The following GRIK2 variants were observed in gnomAD, a reference collection of about 807,000 sequenced individuals.
GRIK2 encodes the protein glutamate receptor ionotropic, kainate 2.
A neutral mutation model predicts 100.3 loss-of-function variants in GRIK2; 32 were observed. The ratio of observed to expected loss-of-function variants is 0.32; its 90% CI spans 0.24 to 0.43. GRIK2 has a LOEUF of 0.43. Ranked by LOEUF, GRIK2 falls within the 20% of genes least tolerant of loss-of-function variation. The probability of loss-of-function intolerance (pLI) is 1.00; values close to 1 mark genes in which losing one functional copy is unlikely to be tolerated. For synonymous variants in GRIK2, 417 were observed against 389.4 expected, an observed-to-expected ratio of 1.07 and a Z score of -0.83; for missense variants, 843 against 1,114.9, an observed-to-expected ratio of 0.76 and a Z score of 3.47.
At chr6:101,748,969 G>A (rs1353049785) in intron 7 of GRIK2, among the ~76,000 whole-genome samples, 1 of 152,060 alleles carries the variant, frequency 6.6e-6, no homozygotes, top group Non-Finnish European at 1.5e-5. Flanking sequence ...TTTAAATCTG[G>A]CTTTTCATCT....
chr6:101,582,002 T>C (rs994961412), intron 2 of GRIK2, among the ~76,000 whole-genome samples: 2 of 152,080 alleles, frequency 1.3e-5, no homozygotes, highest in African/African-American at 4.8e-5. Flanking sequence ...GGGGATGCTT[T>C]TCCCCCATAC....
chr6:101,866,910 G>T (rs564566571), intron 11 of GRIK2, among the ~76,000 whole-genome samples: 2 of 151,764 alleles, frequency 1.3e-5, no homozygotes, highest in East Asian at 1.9e-4. Flanking sequence ...TTGTGTGTGT[G>T]TGTGTGTGAA....
intron 4 of GRIK2, among the ~76,000 whole-genome samples, chr6:101,671,392 CAA>C (rs35786583): frequency 7.8e-4 from 117 of 150,300 alleles, no homozygotes; most frequent in Non-Finnish European, 1.1e-3. Flanking sequence ...TGTTCCAAAA[CAA>C]AAAAAAAAGT....
intron 2 of GRIK2, among the ~76,000 whole-genome samples, chr6:101,568,617 A>C (rs1018855223): frequency 6.6e-6 from 1 of 152,098 alleles, no homozygotes; most frequent in Non-Finnish European, 1.5e-5. Flanking sequence ...GAAGATGTAA[A>C]TGATGCTACT....
intron 14 of GRIK2, among the ~76,000 whole-genome samples, chr6:101,977,949 T>G (rs921582172): frequency 6.6e-6 from 1 of 152,130 alleles, no homozygotes; most frequent in Admixed American, 6.5e-5. Flanking sequence ...AACAAAGTTA[T>G]TCTTGTGAGT....
At chr6:102,048,099 C>G (rs1190846326) in intron 15 of GRIK2, among the ~76,000 whole-genome samples, 1 of 150,994 alleles carries the variant, frequency 6.6e-6, no homozygotes, top group Non-Finnish European at 1.5e-5. Flanking sequence ...CTATCAAGAA[C>G]ACCCAATGGA....
rs150712853 is a variant in GRIK2, at chr6:101,500,302, A to G, written c.115+100910A>G. Among the ~76,000 whole-genome samples the G allele has an allele frequency of 7.2e-5, 11 of 152,268 alleles. No homozygotes were observed. The East Asian group carries it at 1.9e-3, about 27-fold the overall frequency. ...AAGATTCTCAGCTAAGTATAGGTCT[A>G]TAATCATAATGATAAGTTAGAATTT... On this transcript the variant is annotated intron_variant, in intron 2 of 16. Transcript: ENST00000369134.
At chr6:101,621,282 G>A (rs1400116478) in intron 2 of GRIK2, among the ~76,000 whole-genome samples, 14 of 151,856 alleles carry the variant, frequency 9.2e-5, no homozygotes, top group Admixed American at 7.9e-4. Flanking sequence ...GTGAAACCCC[G>A]ACTATACAAA....
At chr6:102,052,915 CTAAAAATACAGATG>C (rs1771273183) in intron 15 of GRIK2, among the ~76,000 whole-genome samples, 1 of 151,954 alleles carries the variant, frequency 6.6e-6, no homozygotes, top group South Asian at 2.1e-4. Flanking sequence ...CCCCTCTGTA[CTAAAAATACAGATG>C]AGGTGGCGGG....
chr6:101,498,088 A>G lies in GRIK2; in HGVS notation c.115+98696A>G, dbSNP rs544715739. ...TGTGCCCATGTGTTCTCATTGTTCA[A>G]TTTCCACCTATGAGTGAGAACATGT... On this transcript the variant is annotated intron_variant, in intron 2 of 16. Coordinates refer to ENST00000369134, the MANE Select transcript of GRIK2 (RefSeq NM_021956.5). 3.8e-4 allele frequency among the ~76,000 whole-genome samples: 51 copies of G among 134,892 alleles called. 1 individual carries two copies. The highest frequency in any genetic ancestry group is 1.2e-3 in the African/African-American group (41 of 35,114). The allele number at this position is 134,892 out of a possible 152,430, so 88.5% of individuals were successfully genotyped here.
chr6:101,531,891 CT>C (rs1775460668), intron 2 of GRIK2, among the ~76,000 whole-genome samples: 1 of 151,908 alleles, frequency 6.6e-6, no homozygotes, highest in Admixed American at 6.6e-5. Flanking sequence ...CCTACTGCTA[CT>C]CGTTGATTCC....
intron 10 of GRIK2, among the ~76,000 whole-genome samples, chr6:101,824,292 C>T (rs1782169500): frequency 6.6e-6 from 1 of 152,066 alleles, no homozygotes; most frequent in African/African-American, 2.4e-5. Flanking sequence ...ACCCCTCTTG[C>T]CCTTTCCCCT....
At chr6:101,805,781 A>G (rs1780965757) in intron 9 of GRIK2, among the ~76,000 whole-genome samples, 1 of 152,080 alleles carries the variant, frequency 6.6e-6, no homozygotes, top group African/African-American at 2.4e-5. Context: ...TAGATTTTAC[A>G]TAATGTTCGG....
At chr6:101,937,262 C>T (rs868205075) in intron 14 of GRIK2, among the ~76,000 whole-genome samples, 1 of 152,110 alleles carries the variant, frequency 6.6e-6, no homozygotes, top group Non-Finnish European at 1.5e-5. Flanking sequence ...CCTCCCTTGT[C>T]CTCCCTCCTT....
At chr6:101,938,543 G>A (rs544882157) in intron 14 of GRIK2, among the ~76,000 whole-genome samples, 21 of 152,072 alleles carry the variant, frequency 1.4e-4, no homozygotes, top group Non-Finnish European at 2.9e-4. Flanking sequence ...GAAACAACTT[G>A]AATCTTTGTT....
At chr6:101,891,108 A>G (rs1787036384) in intron 12 of GRIK2, among the ~76,000 whole-genome samples, 1 of 147,032 alleles carries the variant, frequency 6.8e-6, no homozygotes, top group Non-Finnish European at 1.5e-5. Flanking sequence ...AAATAATCGA[A>G]CTCATTTTTC....
intron 14 of GRIK2, among the ~76,000 whole-genome samples, chr6:101,935,261 G>A (rs781687748): frequency 7.4e-4 from 113 of 151,834 alleles, no homozygotes; most frequent in Non-Finnish European, 1.4e-3. Flanking sequence ...GAGTTGGCTT[G>A]TTTATTTAGG....
At chr6:101,458,515 A>G (rs554229731) in intron 2 of GRIK2, among the ~76,000 whole-genome samples, 8 of 152,298 alleles carry the variant, frequency 5.3e-5, no homozygotes, top group Admixed American at 6.5e-5. Context: ...GCAGCCTCCA[A>G]TGGTGCACTG....
intron 14 of GRIK2, among the ~76,000 whole-genome samples, chr6:101,938,267 C>T (rs1340273): frequency 0.034 from 5,195 of 152,044 alleles, 316 homozygotes; most frequent in African/African-American, 0.12. Flanking sequence ...AAGTGATGCA[C>T]CCTTCTGATG....
Sources: allele counts gnomAD v4.1 joint callset (sites outside exome capture counted in the v4.1 genomes callset), GRCh38; gene constraint gnomAD v4.1.1; transcripts MANE v1.5; gene names NCBI Gene and HGNC (gene_info 2026-07-23, HGNC 2026-07-21).